Variants in CSMD3 observed in about 807,000 individuals in gnomAD.
CSMD3 encodes CUB and Sushi multiple domains 3.
In CSMD3, 177 loss-of-function variants were observed where a neutral mutation model predicts 435.2. The ratio of observed to expected loss-of-function variants is 0.41; its 90% confidence interval spans 0.36 to 0.46. The LOEUF (loss-of-function observed/expected upper bound fraction) is 0.46. CSMD3 is among the 20% of genes least tolerant of loss of function. The probability of loss-of-function intolerance (pLI) is 0.34; values close to 1 mark genes in which losing one functional copy is unlikely to be tolerated. For missense variants in CSMD3, 4,265 were observed against 4,504.6 expected, an observed-to-expected ratio of 0.95 and a Z score of 1.52; for synonymous variants, 1,656 against 1,520.5, an observed-to-expected ratio of 1.09 and a Z score of -2.07.
chr8:112,680,162 C>G (rs1586952796), intron 16 of CSMD3, among the ~76,000 whole-genome samples: 1 of 152,150 alleles, frequency 6.6e-6, no homozygotes, highest in South Asian at 2.1e-4. Context: ...CAAGACCAGC[C>G]TGGCCAACAT....
intron 64 of CSMD3, 45 bp downstream of exon 64, chr8:112,246,975 A>G: frequency 7.4e-7 from 1 of 1,350,760 alleles, no homozygotes. Context: ...AAATGCATAT[A>G]AATTCTTACC....
chr8:112,727,617 C>A (rs9650049), intron 13 of CSMD3, among the ~76,000 whole-genome samples: 50,330 of 151,274 alleles, frequency 0.33, 9,214 homozygotes, highest in African/African-American at 0.5. Context: ...ATATATATAT[C>A]TAATTAAAAA....
intron 1 of CSMD3, among the ~76,000 whole-genome samples, chr8:113,386,245 TG>T (rs1485529028): frequency 6.6e-6 from 1 of 151,772 alleles, no homozygotes; most frequent in Non-Finnish European, 1.5e-5. Context: ...TGTTTAAGAG[TG>T]GGGGTAGTAG....
In CSMD3 at chr8:112,487,213, A is replaced by G. The variant is rs575851723; in HGVS notation, c.5278+5276T>C. Among the ~76,000 whole-genome samples, 110 of 152,310 alleles carry G rather than the reference A, an allele frequency of 7.2e-4. 1 individual carries two copies. The highest frequency in any genetic ancestry group is 2.5e-3 in the African/African-American group (105 of 41,572). ...TCTTTATTCAGGATATAGAGTTGCAATTTTAGAATAGATATTGATTCTGTC... is the reference window on the plus strand; with the variant it reads ...TCTTTATTCAGGATATAGAGTTGCAGTTTTAGAATAGATATTGATTCTGTC... On this transcript the variant is annotated intron_variant, in intron 31 of 70. Coordinates refer to ENST00000297405, the MANE Select transcript of CSMD3 (RefSeq NM_198123.2).
intron 12 of CSMD3, among the ~76,000 whole-genome samples, chr8:112,815,480 A>G (rs1351959590): frequency 2.6e-5 from 4 of 152,120 alleles, no homozygotes; most frequent in African/African-American, 9.7e-5. Context: ...ACTTCATTGT[A>G]TATATTTAAG....
chr8:112,769,923 T>C lies in CSMD3; in HGVS notation c.1972+30239A>G, dbSNP rs569432889. The stretch of plus-strand genomic sequence containing the variant: ...TAAAATTAATGTACAATAGTGTAAA[T>C]ATATTACTCTCATGTGTAACTGAAC... On this transcript the variant is annotated intron_variant, in intron 13 of 70. Transcript: ENST00000297405. 5.3e-5 allele frequency among the ~76,000 whole-genome samples: 8 copies of C among 152,116 alleles called. No homozygotes were observed. The East Asian group carries it at 1.4e-3, about 26-fold the overall frequency.
At chr8:112,907,478 G>A (rs559561530) in intron 10 of CSMD3, among the ~76,000 whole-genome samples, 5 of 151,374 alleles carry the variant, frequency 3.3e-5, no homozygotes, top group South Asian at 2.1e-4. Flanking sequence ...TTTACTTGAC[G>A]TGTTTTCTCA....
chr8:113,098,432 C>T (rs2090229299), intron 5 of CSMD3: 1 of 327,466 alleles, frequency 3.1e-6, no homozygotes, highest in Non-Finnish European at 5.8e-6. Context: ...AACAAGTCTG[C>T]TTAAACAAAG....
chr8:112,306,489 A>G (rs184351232), intron 50 of CSMD3, among the ~76,000 whole-genome samples: 11 of 152,212 alleles, frequency 7.2e-5, no homozygotes, highest in Admixed American at 3.9e-4. Flanking sequence ...TGTATGGATT[A>G]TATGAGAATG....
chr8:112,829,598 G>C, intron 12 of CSMD3, 88 bp downstream of exon 12: 5 of 761,118 alleles, frequency 6.6e-6, no homozygotes, highest in Non-Finnish European at 1.2e-5. Flanking sequence ...GGTAGTAGTG[G>C]GAGCGATCAA....
Position 112,224,896 on chromosome 8 carries a change from C to G in CSMD3, c.10999G>C (p.Val3667Leu), listed in dbSNP as rs373008395. Residue 3667 changes from valine to leucine, a missense_variant, in exon 71 of 71, where the codon GTT becomes CTT. Physicochemically the swap from Val to Leu is conservative, Grantham distance 32. This residue lies in a region of CSMD3 where 3,255 missense variants were observed against 3,380.2 expected (regional missense o/e 0.96). Transcript: ENST00000297405. ...GCTTGGCCATTGTTATTTTCATGAA[C>G]TGAACATCCTGTATACTGTGTTTTA... ...APKTQYTGCS[V>L]HENNNGQAAF... 126 of 1,613,892 alleles carry G rather than the reference C, an allele frequency of 7.8e-5. No individual in the cohort carries two copies. Among genetic ancestry groups the G allele is most frequent in the Non-Finnish European group, 9.3e-5 (110 of 1,179,916 alleles).
intron 2 of CSMD3, among the ~76,000 whole-genome samples, chr8:113,286,274 T>G (rs6986841): frequency 1.3e-5 from 2 of 152,094 alleles, no homozygotes; most frequent in African/African-American, 4.8e-5. Context: ...AACTTAGAAA[T>G]GATAACGATA....
At chr8:113,240,170 T>G (rs2093197927) in intron 3 of CSMD3, among the ~76,000 whole-genome samples, 1 of 152,134 alleles carries the variant, frequency 6.6e-6, no homozygotes, top group Non-Finnish European at 1.5e-5. Context: ...CATGTCCTCC[T>G]TTCAAAGGAC....
At position 112,698,997 on chromosome 8, in the gene CSMD3, C is replaced by T. The variant is rs151123968; in HGVS notation, c.1973-8947G>A. ...CCAATCAGCACTCTGTAAAAACGGA[C>T]CAATCAGCACTCTATAAAATGGACC... On this transcript the variant is annotated intron_variant, in intron 13 of 70. Coordinates refer to ENST00000297405, the MANE Select transcript of CSMD3 (RefSeq NM_198123.2). 6.9e-3 allele frequency among the ~76,000 whole-genome samples: 1,057 copies of T among 152,112 alleles called. 17 individuals are homozygous for T. The highest frequency in any genetic ancestry group is 0.024 in the African/African-American group (992 of 41,490).
At chr8:112,820,645 T>G (rs1283709499) in intron 12 of CSMD3, among the ~76,000 whole-genome samples, 1 of 151,800 alleles carries the variant, frequency 6.6e-6, no homozygotes, top group African/African-American at 2.4e-5. Flanking sequence ...GCCTTAATTT[T>G]TTTTTTTTTT....
At chr8:112,455,591 GTAAATAAATAAATAAATAAATAAA>G (rs71309770) in intron 32 of CSMD3, among the ~76,000 whole-genome samples, 9 of 149,508 alleles carry the variant, frequency 6.0e-5, no homozygotes, top group Admixed American at 1.3e-4. Flanking sequence ...AAATAAGTAA[GTAAATAAATAAATAAATAAATAAA>G]TAAATAAATA....
chr8:112,358,434 G>T (rs997269476), intron 38 of CSMD3, among the ~76,000 whole-genome samples: 3 of 152,220 alleles, frequency 2.0e-5, no homozygotes, highest in African/African-American at 7.2e-5. Flanking sequence ...TTTGGGAGAG[G>T]CCGGGGGTGG....
chr8:112,352,947 C>T (rs1175660551), intron 38 of CSMD3, among the ~76,000 whole-genome samples: 1 of 145,066 alleles, frequency 6.9e-6, no homozygotes, highest in Non-Finnish European at 1.6e-5. Flanking sequence ...AAATTATTTG[C>T]TATTTTGTCT....
At chr8:113,189,324 C>T (rs540300955) in intron 3 of CSMD3, among the ~76,000 whole-genome samples, 3 of 151,814 alleles carry the variant, frequency 2.0e-5, no homozygotes, top group Non-Finnish European at 2.9e-5. Context: ...TAGACTCTTT[C>T]CTCATTCTAT....
Sources: allele counts gnomAD v4.1 joint callset (sites outside exome capture counted in the v4.1 genomes callset), GRCh38; gene constraint gnomAD v4.1.1; regional missense constraint gnomAD v4.1.1; transcripts MANE v1.5; gene names NCBI Gene and HGNC (gene_info 2026-07-23, HGNC 2026-07-21).